Variants in COL4A1 observed in about 807,000 individuals in gnomAD.
The protein encoded by COL4A1 is collagen alpha-1(IV) chain.
Under a neutral mutation model 216.6 loss-of-function variants are expected in COL4A1, and 40 were observed. The ratio of observed to expected loss-of-function variants is 0.18; its 90% CI spans 0.14 to 0.24. The LOEUF (loss-of-function observed/expected upper bound fraction) is 0.24, where lower values mean the gene tolerates loss of function less well. COL4A1 is among the 10% of genes least tolerant of loss of function. The pLI is 1.00. For missense variants in COL4A1, 1,628 were observed against 2,196.8 expected (o/e 0.74, Z 5.18); for synonymous variants, 839 against 810.7 (o/e 1.03, Z -0.59).
In COL4A1 at chr13:110,163,509, G is replaced by A. The variant is rs141714960; in HGVS notation, c.4203C>T (p.Asp1401=). ...IPGPPGIPGF[D]GAPGQKGEMG... is the part of the protein sequence containing the mutation. ...TCTCTCCTTTCTGGCCAGGGGCACC[G>A]TCAAACCCAGGAATACCTGGAGGTC... Residue 1401 remains aspartate (D), a synonymous_variant, in exon 47 of 52, where the codon GAC becomes GAT. Transcript: ENST00000375820. The A allele has an allele frequency of 9.1e-4, 1,474 of 1,614,076 alleles. 17 individuals are homozygous for A. The African/African-American group carries it at 0.017, about 19-fold the overall frequency.
intron 1 of COL4A1, among the ~76,000 whole-genome samples, chr13:110,282,456 G>A (rs1272321501): frequency 6.6e-6 from 1 of 152,096 alleles, no homozygotes; most frequent in Admixed American, 6.5e-5. Context: ...TACCTTCCCT[G>A]GCATGGCTGC....
chr13:110,272,597 C>G (rs903826119), intron 1 of COL4A1, among the ~76,000 whole-genome samples: 2 of 152,156 alleles, frequency 1.3e-5, no homozygotes, highest in African/African-American at 4.8e-5. Context: ...GAACTCTTCT[C>G]AGCATTGCAC....
intron 29 of COL4A1, among the ~76,000 whole-genome samples, chr13:110,180,919 G>A (rs1238230251): frequency 6.6e-6 from 1 of 152,188 alleles, no homozygotes; most frequent in African/African-American, 2.4e-5. Flanking sequence ...TGCCAGTAGT[G>A]CTGAGGCTGA....
At chr13:110,153,785 C>T (rs1454643040) in intron 50 of COL4A1, among the ~76,000 whole-genome samples, 1 of 152,156 alleles carries the variant, frequency 6.6e-6, no homozygotes, top group Non-Finnish European at 1.5e-5. Context: ...CGTGCACGAA[C>T]ATTTTAAAAA....
chr13:110,169,732 A>G lies in COL4A1; in HGVS notation c.3773T>C (p.Leu1258Pro). 1.2e-6 allele frequency: 2 copies of G among 1,614,084 alleles called. No homozygotes were observed. Among genetic ancestry groups the G allele is most frequent in the East Asian group, 2.2e-5 (1 of 44,848 alleles). ...ACCTTTAACTCCATCAATCCCAGGA[A>G]GCCCTGGAGGCCCCATGGGTCCCGG... is the stretch of plus-strand genomic sequence containing the variant. ...GLPGPMGPPG[L>P]PGIDGVKGDK... The change falls in exon 43 of 52, where the codon CTT (leucine) becomes CCT (proline). Residue 1258 changes from leucine (L) to proline (P), a missense_variant. Physicochemically the swap from Leu to Pro is moderately conservative, Grantham distance 98. Around this residue, in one of 8 missense-constraint regions of COL4A1, gnomAD observed 345 missense variants for 476.9 expected, o/e 0.72. Transcript: ENST00000375820.
At chr13:110,258,619 T>C (rs1172418779) in intron 1 of COL4A1, among the ~76,000 whole-genome samples, 1 of 152,192 alleles carries the variant, frequency 6.6e-6, no homozygotes, top group African/African-American at 2.4e-5. Context: ...ACACCAACTA[T>C]GTGCCTCTTT....
intron 1 of COL4A1, among the ~76,000 whole-genome samples, chr13:110,275,243 G>T (rs1224573786): frequency 6.6e-6 from 1 of 152,076 alleles, no homozygotes; most frequent in African/African-American, 2.4e-5. Flanking sequence ...TAAAAAATGG[G>T]CCAAAGACCT....
At chr13:110,293,732 G>A (rs563100811) in intron 1 of COL4A1, among the ~76,000 whole-genome samples, 34 of 152,266 alleles carry the variant, frequency 2.2e-4, no homozygotes, top group Non-Finnish European at 4.3e-4. Context: ...CCACCAAAAA[G>A]GCTCTGTAAC....
At chr13:110,157,599 G>A (rs567334049) in intron 49 of COL4A1, among the ~76,000 whole-genome samples, 14 of 152,318 alleles carry the variant, frequency 9.2e-5, no homozygotes, top group African/African-American at 3.1e-4. Context: ...GCCTGGGAAG[G>A]TCCCTTCATG....
chr13:110,245,168 G>A (rs1490099907), intron 1 of COL4A1, among the ~76,000 whole-genome samples: 3 of 152,134 alleles, frequency 2.0e-5, no homozygotes, highest in Non-Finnish European at 2.9e-5. Context: ...GGGAAGAGCC[G>A]GGGACTCTGG....
chr13:110,210,640 C>T (rs1228711684), intron 8 of COL4A1, among the ~76,000 whole-genome samples: 1 of 152,200 alleles, frequency 6.6e-6, no homozygotes, highest in Non-Finnish European at 1.5e-5. Context: ...ATTTTATCTG[C>T]CAACTTGGCT....
chr13:110,167,107 C>A, intron 44 of COL4A1, 51 bp downstream of exon 44: 1 of 1,500,434 alleles, frequency 6.7e-7, no homozygotes, highest in African/African-American at 1.4e-5. Context: ...AAGCTCTTCA[C>A]ACAGCGTCTG....
At chr13:110,249,186 G>C (rs988558971) in intron 1 of COL4A1, among the ~76,000 whole-genome samples, 1 of 152,254 alleles carries the variant, frequency 6.6e-6, no homozygotes, top group East Asian at 1.9e-4. Context: ...CCTTCTGCGG[G>C]GGTGTGGCAA....
At chr13:110,169,511 C>CACAT in intron 43 of COL4A1, 118 bp downstream of exon 43, 1 of 1,520,864 alleles carries the variant, frequency 6.6e-7, no homozygotes, top group Non-Finnish European at 8.8e-7. Flanking sequence ...CACACACACA[C>CACAT]ACACACACAC....
intron 1 of COL4A1, among the ~76,000 whole-genome samples, chr13:110,253,961 T>C (rs1882397694): frequency 6.6e-6 from 1 of 151,808 alleles, no homozygotes; most frequent in Non-Finnish European, 1.5e-5. Flanking sequence ...GCGCTACAGG[T>C]TGAATATTCC....
At chr13:110,227,455 G>C (rs548819633) in intron 2 of COL4A1, among the ~76,000 whole-genome samples, 1 of 151,398 alleles carries the variant, frequency 6.6e-6, no homozygotes, top group South Asian at 2.1e-4. Flanking sequence ...ATCAGAAAGA[G>C]AGAGAGAAAC....
At chr13:110,213,891 C>T (rs1879941268) in intron 3 of COL4A1, 35 bp downstream of exon 3, 3 of 1,612,792 alleles carry the variant, frequency 1.9e-6, no homozygotes, top group Non-Finnish European at 1.7e-6. Context: ...GGCAATCTTA[C>T]ATCCACCCAC....
chr13:110,273,916 A>G (rs2139292595), intron 1 of COL4A1, among the ~76,000 whole-genome samples: 1 of 152,314 alleles, frequency 6.6e-6, no homozygotes, highest in African/African-American at 2.4e-5. Flanking sequence ...GCACTAAATG[A>G]TCCCATTTCC....
intron 1 of COL4A1, among the ~76,000 whole-genome samples, chr13:110,259,326 C>T (rs1205850513): frequency 6.6e-6 from 1 of 152,184 alleles, no homozygotes; most frequent in Non-Finnish European, 1.5e-5. Flanking sequence ...ATGATTCACT[C>T]TCCAGTCAGG....
Sources: gnomAD v4.1 joint callset for allele counts (sites outside exome capture counted in the v4.1 genomes callset) on GRCh38, gnomAD v4.1.1 for gene constraint, gnomAD v4.1.1 regional missense constraint, MANE v1.5 for transcripts, NCBI Gene and HGNC (gene_info 2026-07-23, HGNC 2026-07-21) for gene names.